Variants in CMSS1 observed in about 807,000 individuals in gnomAD.
CMSS1 encodes protein CMSS1.
In CMSS1, 33 loss-of-function variants were observed where a neutral mutation model predicts 43.5. The observed-to-expected ratio is 0.76, with a 90% CI of 0.57 to 1.01. The LOEUF is 1.01. Ranked by LOEUF, CMSS1 falls within the 50% of genes least tolerant of loss-of-function variation. CMSS1 has a pLI of 0.00. For synonymous variants in CMSS1, 115 were observed against 117.2 expected, an observed-to-expected ratio of 0.98 and a Z score of 0.12; for missense variants, 313 against 326.4, an observed-to-expected ratio of 0.96 and a Z score of 0.32.
chr3:99,929,514 G>GTA, intron 1 of CMSS1, among the ~76,000 whole-genome samples: 1 of 44,436 alleles, frequency 2.3e-5, no homozygotes, highest in East Asian at 4.5e-4. Context: ...AGTTCCCAGA[G>GTA]TGTGTGTGTG....
chr3:100,114,283 A>G (rs939741254), intron 1 of CMSS1: 4 of 151,538 alleles, frequency 2.6e-5, no homozygotes, highest in African/African-American at 9.7e-5. Flanking sequence ...AGTAGGCCCA[A>G]ACACTAAATA....
chr3:100,118,484 G>C (rs913051924), intron 1 of CMSS1, among the ~76,000 whole-genome samples: 1 of 152,086 alleles, frequency 6.6e-6, no homozygotes, highest in African/African-American at 2.4e-5. Flanking sequence ...AGTTGTATTA[G>C]TGACATAGAC....
At chr3:100,068,101 C>T (rs893161015) in intron 1 of CMSS1, among the ~76,000 whole-genome samples, 3 of 152,176 alleles carry the variant, frequency 2.0e-5, no homozygotes, top group African/African-American at 7.2e-5. Context: ...TGAAAGATTA[C>T]ATGGAGCATA....
intron 1 of CMSS1, among the ~76,000 whole-genome samples, chr3:100,096,520 A>G (rs546497741): frequency 6.6e-6 from 1 of 152,202 alleles, no homozygotes; most frequent in Admixed American, 6.5e-5. Context: ...CAAAAAGACA[A>G]ACATCACATG....
chr3:100,157,875 C>G (rs1300508906), intron 2 of CMSS1, among the ~76,000 whole-genome samples: 1 of 152,144 alleles, frequency 6.6e-6, no homozygotes, highest in Non-Finnish European at 1.5e-5. Flanking sequence ...CCAATCTCTT[C>G]TTTTTTAACC....
intron 1 of CMSS1, among the ~76,000 whole-genome samples, chr3:100,079,065 G>A (rs1251789553): frequency 2.6e-5 from 4 of 152,166 alleles, no homozygotes; most frequent in Admixed American, 6.5e-5. Flanking sequence ...CAAGACCTCT[G>A]CAATAGCATT....
chr3:99,853,333 T>G (rs914760940), intron 1 of CMSS1, among the ~76,000 whole-genome samples: 3 of 152,250 alleles, frequency 2.0e-5, no homozygotes, highest in Non-Finnish European at 2.9e-5. Flanking sequence ...TCTTACAGTT[T>G]TATTAGAGAA....
chr3:99,877,733 T>C (rs139566621), intron 1 of CMSS1, among the ~76,000 whole-genome samples: 5 of 152,338 alleles, frequency 3.3e-5, no homozygotes, highest in African/African-American at 1.2e-4. Flanking sequence ...CTCATACTTA[T>C]TAAATATCCT....
At chr3:100,019,145 C>T (rs1206376851) in intron 1 of CMSS1, among the ~76,000 whole-genome samples, 3 of 152,136 alleles carry the variant, frequency 2.0e-5, no homozygotes, top group African/African-American at 7.2e-5. Flanking sequence ...AAAAATAGGT[C>T]TACCTTATTA....
chr3:99,884,233 T>C (rs1705823118), intron 1 of CMSS1, among the ~76,000 whole-genome samples: 1 of 152,196 alleles, frequency 6.6e-6, no homozygotes, highest in Non-Finnish European at 1.5e-5. Flanking sequence ...TCATATAATA[T>C]CCTCTCTCTG....
intron 2 of CMSS1, among the ~76,000 whole-genome samples, chr3:100,157,780 TG>T (rs2066988747): frequency 6.6e-6 from 1 of 152,174 alleles, no homozygotes; most frequent in African/African-American, 2.4e-5. Context: ...GAAGCAGTAA[TG>T]GGATAGTTGC....
chr3:100,006,941 G>A (rs1351567288), intron 1 of CMSS1, among the ~76,000 whole-genome samples: 3 of 152,172 alleles, frequency 2.0e-5, no homozygotes, highest in Non-Finnish European at 4.4e-5. Flanking sequence ...TTTAAAAAGT[G>A]TTTTTGTTTG....
At chr3:99,930,636 A>T (rs1707447806) in intron 1 of CMSS1, 1 of 910,960 alleles carries the variant, frequency 1.1e-6, no homozygotes, top group East Asian at 2.6e-5. Context: ...TTCTTTGTAT[A>T]TATACTTATG....
chr3:99,996,144 C>T (rs1022284432), intron 1 of CMSS1, among the ~76,000 whole-genome samples: 6 of 152,178 alleles, frequency 3.9e-5, no homozygotes, highest in African/African-American at 1.4e-4. Flanking sequence ...ATAACAGCAC[C>T]CAGGTCACCT....
chr3:100,005,548 G>C (rs534501313), intron 1 of CMSS1, among the ~76,000 whole-genome samples: 23 of 152,332 alleles, frequency 1.5e-4, no homozygotes, highest in African/African-American at 5.3e-4. Context: ...TGTGAGTGTA[G>C]TGTAATAAAC....
chr3:99,876,348 G>C (rs1465694681), intron 1 of CMSS1: 1 of 411,448 alleles, frequency 2.4e-6, no homozygotes, highest in Non-Finnish European at 3.3e-6. Context: ...CGTGTGAACG[G>C]ACCGTGGTTC....
chr3:99,848,277 G>A, intron 1 of CMSS1: 1 of 1,613,562 alleles, frequency 6.2e-7, no homozygotes, highest in Non-Finnish European at 8.5e-7. Context: ...AGCGTGGTCA[G>A]TTATATATAT....
At chr3:100,115,050 A>C (rs2066546602) in intron 1 of CMSS1, 4 of 1,250,700 alleles carry the variant, frequency 3.2e-6, no homozygotes, top group Non-Finnish European at 2.3e-6. Flanking sequence ...TCAAGTGTTA[A>C]GAAAACCTTC....
intron 1 of CMSS1, among the ~76,000 whole-genome samples, chr3:100,012,331 C>G (rs747642908): frequency 6.6e-6 from 1 of 152,106 alleles, no homozygotes; most frequent in Non-Finnish European, 1.5e-5. Context: ...AGTGCTGTTT[C>G]CCCATTTTCT....
Sources: gnomAD v4.1 joint callset for allele counts (sites outside exome capture counted in the v4.1 genomes callset) on GRCh38, gnomAD v4.1.1 for gene constraint, MANE v1.5 for transcripts, NCBI Gene and HGNC (gene_info 2026-07-23, HGNC 2026-07-21) for gene names.